The following MYOM2 variants were observed in gnomAD, a reference collection of about 807,000 sequenced individuals.
The protein encoded by MYOM2 is myomesin-2.
In MYOM2, 254 loss-of-function variants were observed where a neutral mutation model predicts 187.6. The observed-to-expected ratio is 1.35, with a 90% CI of 1.22 to 1.50. MYOM2 has a LOEUF of 1.50. Ranked by LOEUF, MYOM2 falls within the 40% of genes most tolerant of loss-of-function variation. The pLI is 0.00. For synonymous variants in MYOM2, 981 were observed against 753.8 expected (o/e 1.30, Z -4.94); for missense variants, 2,796 against 1,924.0 (o/e 1.45, Z -8.48).
chr8:2,065,544 C>T (rs529558218), intron 6 of MYOM2, among the ~76,000 whole-genome samples: 17 of 152,162 alleles, frequency 1.1e-4, no homozygotes, highest in African/African-American at 2.2e-4. Context: ...CACTTCAGCC[C>T]GGGTGACAGT....
Position 2,124,170 on chromosome 8 carries a change from C to T in MYOM2, c.3656-9C>T. ...TGTCGTAATGGTGCGTATCCCTTCT[C>T]ATTTTCAGTGTATGATGATATGATT... On this transcript the variant is annotated splice_polypyrimidine_tract_variant and intron_variant, in intron 30 of 36. Coordinates refer to ENST00000262113, the MANE Select transcript of MYOM2 (RefSeq NM_003970.4). 1.9e-6 allele frequency: 3 copies of T among 1,611,314 alleles called. No homozygotes were observed. Among genetic ancestry groups the T allele is most frequent in the South Asian group, 1.1e-5 (1 of 90,542 alleles).
At chr8:2,119,844 G>A (rs1160491280) in intron 28 of MYOM2, among the ~76,000 whole-genome samples, 1 of 152,082 alleles carries the variant, frequency 6.6e-6, no homozygotes, top group African/African-American at 2.4e-5. Context: ...GGGCTGCTTG[G>A]CCCCCAGGGC....
intron 11 of MYOM2, chr8:2,076,762 A>C (rs574700803): frequency 6.5e-6 from 1 of 153,366 alleles, no homozygotes; most frequent in South Asian, 2.1e-4. Context: ...CTTGTTTCCA[A>C]GTGAAAAATC....
At chr8:2,121,840 G>A (rs1797470441) in intron 28 of MYOM2, among the ~76,000 whole-genome samples, 1 of 152,206 alleles carries the variant, frequency 6.6e-6, no homozygotes, top group East Asian at 1.9e-4. Flanking sequence ...TGGGCCATAC[G>A]TAGCCTAAGA....
chr8:2,074,523 C>T (rs1032031895), intron 10 of MYOM2, among the ~76,000 whole-genome samples: 1 of 152,024 alleles, frequency 6.6e-6, no homozygotes, highest in East Asian at 1.9e-4. Flanking sequence ...GGCGCGACCT[C>T]GGCTCACTGC....
At chr8:2,140,409 A>T (rs184818046) in intron 32 of MYOM2, among the ~76,000 whole-genome samples, 3 of 142,004 alleles carry the variant, frequency 2.1e-5, no homozygotes, top group Non-Finnish European at 4.6e-5. Flanking sequence ...TTGCTGGATC[A>T]TGTAGTAGTT....
intron 33 of MYOM2, 27 bp from the exon 34 acceptor site, chr8:2,141,110 GGTTA>G (rs1283902942): frequency 6.2e-6 from 10 of 1,600,356 alleles, no homozygotes; most frequent in Admixed American, 1.7e-5. Context: ...ACACTGAAAT[GGTTA>G]GTAACGTATG....
At chr8:2,085,586 TGCGTGGCCCCACTGTCGTGATCTC>T (rs1819831426) in intron 14 of MYOM2, among the ~76,000 whole-genome samples, 196 bp downstream of exon 14, 1 of 14,742 alleles carries the variant, frequency 6.8e-5, no homozygotes, top group Non-Finnish European at 1.1e-4. Context: ...TTGTGATCTC[TGCGTGGCCCCACTGTCGTGATCTC>T]TGCGTGGCCC....
At chr8:2,102,172 A>G (rs1193626404) in intron 20 of MYOM2, 1 of 152,598 alleles carries the variant, frequency 6.6e-6, no homozygotes, top group Non-Finnish European at 1.5e-5. Context: ...TGAATGAGTC[A>G]GCTTCTAAGA....
At chr8:2,124,300 G>A in intron 31 of MYOM2, 83 bp downstream of exon 31, 1 of 1,382,400 alleles carries the variant, frequency 7.2e-7, no homozygotes, top group Non-Finnish European at 1.0e-6. Context: ...TGCTGCAAAA[G>A]AGGGCACCAT....
chr8:2,091,427 A>G (rs1019410594), intron 15 of MYOM2, among the ~76,000 whole-genome samples: 26 of 152,156 alleles, frequency 1.7e-4, no homozygotes, highest in African/African-American at 3.1e-4. Context: ...TTGAATTGCA[A>G]TCCCTGGAGT....
chr8:2,104,373 C>T (rs1283515125), intron 21 of MYOM2, among the ~76,000 whole-genome samples: 3 of 152,004 alleles, frequency 2.0e-5, no homozygotes, highest in East Asian at 3.9e-4. Flanking sequence ...GAAGCCGAGG[C>T]GGGCGGATCA....
chr8:2,068,449 C>T lies in MYOM2; in HGVS notation c.654-829C>T, dbSNP rs200261778. 4.5e-4 allele frequency among the ~76,000 whole-genome samples: 58 copies of T among 128,108 alleles called. No individual in the cohort carries two copies. The East Asian group carries it at 6.1e-3, about 13-fold the overall frequency. The allele number at this position is 128,108 out of a possible 152,430, so 84.0% of individuals were successfully genotyped here. On this transcript the variant is annotated intron_variant, in intron 6 of 36. Transcript: ENST00000262113. Reference sequence around the variant, plus strand: ...ATCCTGGGGACAGCTCTTCAATGCCCGTGTGCACCAGGCGGAGAGCATCCC... The same window carrying T: ...ATCCTGGGGACAGCTCTTCAATGCCTGTGTGCACCAGGCGGAGAGCATCCC...
At chr8:2,132,717 G>A (rs1241073596) in intron 32 of MYOM2, among the ~76,000 whole-genome samples, 4 of 152,130 alleles carry the variant, frequency 2.6e-5, no homozygotes, top group African/African-American at 7.2e-5. Flanking sequence ...CACCTCACAT[G>A]CCTCACAGTG....
intron 25 of MYOM2, among the ~76,000 whole-genome samples, chr8:2,110,693 T>A (rs1797040882): frequency 6.6e-6 from 1 of 152,208 alleles, no homozygotes; most frequent in Non-Finnish European, 1.5e-5. Flanking sequence ...TACACAAGTT[T>A]TAGGGGAACT....
chr8:2,123,386 C>T (rs1466713425), intron 29 of MYOM2, 21 bp downstream of exon 29: 4 of 1,321,498 alleles, frequency 3.0e-6, no homozygotes, highest in Non-Finnish European at 4.1e-6. Context: ...TTGAGTAACA[C>T]AAGAAAGCAA....
intron 1 of MYOM2, among the ~76,000 whole-genome samples, chr8:2,048,411 C>T (rs976632511): frequency 2.0e-5 from 3 of 152,254 alleles, no homozygotes; most frequent in African/African-American, 7.2e-5. Context: ...CCTTGATTAA[C>T]TCATTGGAAA....
intron 32 of MYOM2, among the ~76,000 whole-genome samples, chr8:2,139,393 C>T (rs985628452): frequency 1.1e-4 from 16 of 151,972 alleles, no homozygotes; most frequent in Admixed American, 7.9e-4. Flanking sequence ...CTCTTGCCTT[C>T]GCTTCCCAAA....
chr8:2,048,903 C>T (rs1179737926), intron 1 of MYOM2, among the ~76,000 whole-genome samples: 1 of 151,980 alleles, frequency 6.6e-6, no homozygotes, highest in Non-Finnish European at 1.5e-5. Context: ...CATTCTCCTG[C>T]CTCAGCCTCC....
Sources: gnomAD v4.1 joint callset for allele counts (sites outside exome capture counted in the v4.1 genomes callset) on GRCh38, gnomAD v4.1.1 for gene constraint, MANE v1.5 for transcripts, NCBI Gene and HGNC (gene_info 2026-07-23, HGNC 2026-07-21) for gene names.